Variants in SHISA9 observed in about 807,000 individuals in gnomAD.
SHISA9 encodes shisa family member 9, also known as protein shisa-9.
In SHISA9, 13 loss-of-function variants were observed where a neutral mutation model predicts 38.0. The observed-to-expected ratio is 0.34, with a 90% CI of 0.22 to 0.54. The LOEUF is 0.54. SHISA9 is among the 20% of genes least tolerant of loss of function. The probability of loss-of-function intolerance (pLI) is 0.91; values close to 1 mark genes in which losing one functional copy is unlikely to be tolerated. For missense variants in SHISA9, 538 were observed against 575.8 expected, an observed-to-expected ratio of 0.93 and a Z score of 0.67; for synonymous variants, 275 against 242.0, an observed-to-expected ratio of 1.14 and a Z score of -1.27.
chr16:12,920,010 C>A (rs563733930), intron 2 of SHISA9, among the ~76,000 whole-genome samples: 2 of 152,190 alleles, frequency 1.3e-5, no homozygotes, highest in Non-Finnish European at 2.9e-5. Flanking sequence ...GCCAGTGACA[C>A]CCCTCTCCCC....
chr16:13,501,564 C>T, the SHISA9 span, among the ~76,000 whole-genome samples: 1 of 152,236 alleles, frequency 6.6e-6, no homozygotes, highest in Non-Finnish European at 1.5e-5. Context: ...TTTGTAATTA[C>T]ATACTTTTAA....
the SHISA9 span, among the ~76,000 whole-genome samples, chr16:13,450,929 G>A: frequency 6.6e-6 from 1 of 152,162 alleles, no homozygotes; most frequent in African/African-American, 2.4e-5. Flanking sequence ...AACTGTGACC[G>A]ATGCTATCAG....
At chr16:13,489,225 T>C in the SHISA9 span, among the ~76,000 whole-genome samples, 5 of 152,118 alleles carry the variant, frequency 3.3e-5, no homozygotes, top group African/African-American at 1.2e-4. Flanking sequence ...TTTTTTTGTA[T>C]TTTTAGTTGA....
At chr16:13,041,958 G>T (rs1053699031) in intron 2 of SHISA9, among the ~76,000 whole-genome samples, 1 of 152,200 alleles carries the variant, frequency 6.6e-6, no homozygotes, top group East Asian at 1.9e-4. Context: ...TCTCCCTCTT[G>T]CCTAATACCC....
At chr16:13,229,886 A>G (rs2142083775) in intron 4 of SHISA9, among the ~76,000 whole-genome samples, 1 of 152,342 alleles carries the variant, frequency 6.6e-6, no homozygotes, top group African/African-American at 2.4e-5. Context: ...TGAAGGGGAT[A>G]GACTCTGCAG....
chr16:13,517,750 G>T, the SHISA9 span, among the ~76,000 whole-genome samples: 1 of 152,166 alleles, frequency 6.6e-6, no homozygotes, highest in African/African-American at 2.4e-5. Flanking sequence ...ATGGCAGGCT[G>T]CTCAAAAACC....
chr16:13,283,778 T>G, the SHISA9 span, among the ~76,000 whole-genome samples: 1 of 151,962 alleles, frequency 6.6e-6, no homozygotes, highest in African/African-American at 2.4e-5. Context: ...TTTGCTGGAT[T>G]TCAGGTATGT....
At chr16:12,913,282 C>T (rs554532888) in intron 1 of SHISA9, among the ~76,000 whole-genome samples, 35 of 152,158 alleles carry the variant, frequency 2.3e-4, no homozygotes, top group Non-Finnish European at 4.3e-4. Context: ...CTGCAATCTC[C>T]ACCTCCTGGG....
intron 2 of SHISA9, among the ~76,000 whole-genome samples, chr16:12,919,255 A>G (rs2071297801): frequency 6.6e-6 from 1 of 152,202 alleles, no homozygotes; most frequent in Middle Eastern, 3.2e-3. Context: ...ACCAGAAGGC[A>G]CCCATTTAAT....
chr16:13,370,019 A>G, the SHISA9 span, among the ~76,000 whole-genome samples: 2 of 152,162 alleles, frequency 1.3e-5, no homozygotes, highest in Non-Finnish European at 2.9e-5. Context: ...GGTTGATACA[A>G]TTCATACATG....
At chr16:12,952,112 A>C (rs1357515372) in intron 2 of SHISA9, among the ~76,000 whole-genome samples, 1 of 152,178 alleles carries the variant, frequency 6.6e-6, no homozygotes, top group Non-Finnish European at 1.5e-5. Context: ...GTAAACATGG[A>C]ATTTTTCAAT....
At chr16:13,274,348 C>T in the SHISA9 span, among the ~76,000 whole-genome samples, 1 of 152,088 alleles carries the variant, frequency 6.6e-6, no homozygotes, top group Non-Finnish European at 1.5e-5. Flanking sequence ...TCTGCTTTAG[C>T]ATCAGCTTTT....
intron 2 of SHISA9, among the ~76,000 whole-genome samples, chr16:13,000,004 C>G (rs919303524): frequency 4.6e-5 from 7 of 152,208 alleles, no homozygotes; most frequent in Admixed American, 1.3e-4. Context: ...TGCCATTCGT[C>G]TTGAATTTCT....
intron 2 of SHISA9, among the ~76,000 whole-genome samples, chr16:13,134,901 T>A (rs770014995): frequency 1.1e-4 from 16 of 152,112 alleles, no homozygotes; most frequent in Non-Finnish European, 1.9e-4. Flanking sequence ...CTGTGGGACA[T>A]CCTGGACTCT....
At chr16:12,957,291 T>G (rs2071849404) in intron 2 of SHISA9, among the ~76,000 whole-genome samples, 1 of 152,228 alleles carries the variant, frequency 6.6e-6, no homozygotes, top group African/African-American at 2.4e-5. Context: ...TTTCTTAGTC[T>G]GCTTGGGCTG....
At chr16:13,439,037 G>A in the SHISA9 span, among the ~76,000 whole-genome samples, 2 of 152,136 alleles carry the variant, frequency 1.3e-5, no homozygotes, top group Non-Finnish European at 2.9e-5. Flanking sequence ...AGGACATCAT[G>A]CTAAGTGAAA....
At chr16:12,941,837 C>A (rs890716353) in intron 2 of SHISA9, among the ~76,000 whole-genome samples, 7 of 152,130 alleles carry the variant, frequency 4.6e-5, no homozygotes, top group African/African-American at 1.7e-4. Context: ...GGTGACAGAG[C>A]AAGACTCTGT....
the SHISA9 span, among the ~76,000 whole-genome samples, chr16:13,354,919 C>A: frequency 1.3e-5 from 2 of 151,856 alleles, no homozygotes; most frequent in African/African-American, 4.8e-5. Context: ...GTAATGGGGG[C>A]TGTCTGTGAA....
At chr16:13,027,925 C>A (rs2072943189) in intron 2 of SHISA9, among the ~76,000 whole-genome samples, 2 of 77,776 alleles carry the variant, frequency 2.6e-5, no homozygotes, top group South Asian at 8.9e-4. Context: ...GAAGCTCTGT[C>A]TCAAAAACAA....
Sources: gnomAD v4.1 joint callset for allele counts (sites outside exome capture counted in the v4.1 genomes callset) on GRCh38, gnomAD v4.1.1 for gene constraint, MANE v1.5 for transcripts, NCBI Gene and HGNC (gene_info 2026-07-23, HGNC 2026-07-21) for gene names.